The following CYLD variants were observed in gnomAD, a reference collection of about 807,000 sequenced individuals.
The protein encoded by CYLD is CYLD lysine 63 deubiquitinase.
Under a neutral mutation model 104.5 loss-of-function variants are expected in CYLD, and 26 were observed. The ratio of observed to expected loss-of-function variants is 0.25; its 90% CI spans 0.18 to 0.35. CYLD has a LOEUF of 0.35. Among genes scored for constraint, CYLD ranks in the 10% least tolerant of loss-of-function variants. The probability of loss-of-function intolerance (pLI) is 1.00; values close to 1 mark genes in which losing one functional copy is unlikely to be tolerated. For synonymous variants in CYLD, 385 were observed against 399.9 expected, an observed-to-expected ratio of 0.96 and a Z score of 0.45; for missense variants, 703 against 1,136.1, an observed-to-expected ratio of 0.62 and a Z score of 5.48.
intron 5 of CYLD, among the ~76,000 whole-genome samples, chr16:50,766,781 A>C (rs1968571258): frequency 6.6e-6 from 1 of 152,206 alleles, no homozygotes; most frequent in Non-Finnish European, 1.5e-5. Context: ...GTAGCAAAAG[A>C]GCTAGAACTA....
At chr16:50,787,465 A>G (rs1970964666) in intron 13 of CYLD, 4 of 311,820 alleles carry the variant, frequency 1.3e-5, no homozygotes, top group Non-Finnish European at 2.4e-5. Flanking sequence ...GCAGGAAAAA[A>G]CAGAGCATAC....
chr16:50,780,053 A>G lies in CYLD; in HGVS notation c.1518+9A>G. The stretch of plus-strand genomic sequence containing the variant: ...TCGCTGGACTGGAACTGGTAATTTA[A>G]CTTGACCCAAAAATTTCAATTTTTT... On this transcript the variant is annotated intron_variant, in intron 9 of 18. Coordinates refer to ENST00000427738, the MANE Select transcript of CYLD (RefSeq NM_001378743.1). 2 of 1,613,804 alleles carry G rather than the reference A, an allele frequency of 1.2e-6. No individual in the cohort carries two copies. Among genetic ancestry groups the G allele is most frequent in the Non-Finnish European group, 1.7e-6 (2 of 1,179,936 alleles).
chr16:50,761,060 A>G (rs771204501), intron 5 of CYLD, among the ~76,000 whole-genome samples: 4 of 152,162 alleles, frequency 2.6e-5, no homozygotes, highest in Non-Finnish European at 5.9e-5. Flanking sequence ...ACATTTTTGC[A>G]TATGATTAAG....
At position 50,799,220 on chromosome 16, in the gene CYLD, GTTCGTGA is replaced by G; in HGVS notation, c.*2716_*2722del. The G allele has an allele frequency of 4.3e-6, 1 of 233,278 alleles. No individual in the cohort carries two copies. The highest frequency in any genetic ancestry group is 6.0e-5 in the East Asian group (1 of 16,706). The allele number at this position is 233,278 out of a possible 1,614,324, so 14.5% of individuals were successfully genotyped here. A position where few individuals can be genotyped will look rare whatever the true frequency, so the allele number is the denominator to read the frequency against. On this transcript the variant is annotated 3_prime_UTR_variant, in exon 19 of 19. Coordinates refer to ENST00000427738, the MANE Select transcript of CYLD (RefSeq NM_001378743.1). Reference sequence around the variant, plus strand: ...ATTGAATTATCTTATTTATAACACGGTTCGTGATTCATGATTCATGATTACAAGTAGA... The same window carrying G: ...ATTGAATTATCTTATTTATAACACGGTTCATGATTCATGATTACAAGTAGA...
intron 16 of CYLD, among the ~76,000 whole-genome samples, chr16:50,793,164 G>T (rs1041757988): frequency 6.6e-6 from 1 of 151,178 alleles, no homozygotes; most frequent in African/African-American, 2.4e-5. Flanking sequence ...ATATACCTAT[G>T]TAAATATTCA....
intron 5 of CYLD, among the ~76,000 whole-genome samples, chr16:50,773,275 C>G (rs1969337557): frequency 6.6e-6 from 1 of 152,118 alleles, no homozygotes; most frequent in Non-Finnish European, 1.5e-5. Flanking sequence ...TCAAGATTCT[C>G]CAAGGGATTT....
In CYLD at chr16:50,791,233, G is replaced by A. The variant is rs534951960; in HGVS notation, c.2109-325G>A. 3.6e-4 allele frequency among the ~76,000 whole-genome samples: 55 copies of A among 152,326 alleles called. 1 individual carries two copies. Among genetic ancestry groups the A allele is most frequent in the African/African-American group, 1.2e-3 (51 of 41,580 alleles). ...CTTTCTAGATTTGGGCAGTGAAGTT[G>A]CACTAAGTGATTTACCTTTTGGTTA... On this transcript the variant is annotated intron_variant, in intron 14 of 18. Transcript: ENST00000427738.
intron 5 of CYLD, among the ~76,000 whole-genome samples, chr16:50,763,749 C>T (rs1968200907): frequency 6.6e-6 from 1 of 152,090 alleles, no homozygotes; most frequent in African/African-American, 2.4e-5. Context: ...TTCTTACTGT[C>T]CTAGCTAGGA....
intron 12 of CYLD, 151 bp downstream of exon 12, chr16:50,784,602 G>T: frequency 1.2e-6 from 1 of 816,002 alleles, no homozygotes; most frequent in Non-Finnish European, 1.9e-6. Context: ...TAAACCTTTG[G>T]TCCTTGTACT....
intron 4 of CYLD, among the ~76,000 whole-genome samples, chr16:50,753,124 C>G (rs1419350293): frequency 1.3e-5 from 2 of 152,068 alleles, no homozygotes; most frequent in Admixed American, 1.3e-4. Context: ...CTTGAAAATT[C>G]CAGGAAATTC....
intron 10 of CYLD, among the ~76,000 whole-genome samples, chr16:50,782,005 T>G (rs1970265747): frequency 6.6e-6 from 1 of 152,228 alleles, no homozygotes; most frequent in Non-Finnish European, 1.5e-5. Flanking sequence ...TTTCATTTTC[T>G]TTTCAAACTT....
chr16:50,791,738 C>A (rs1243716072), intron 15 of CYLD, 48 bp downstream of exon 15: 7 of 1,597,798 alleles, frequency 4.4e-6, no homozygotes, highest in Non-Finnish European at 6.0e-6. Context: ...CTGTGGGAGT[C>A]TTAAGACTAT....
At chr16:50,744,320 A>G (rs1232432907) in intron 2 of CYLD, among the ~76,000 whole-genome samples, 1 of 152,048 alleles carries the variant, frequency 6.6e-6, no homozygotes, top group Non-Finnish European at 1.5e-5. Context: ...CTGTATCTCT[A>G]TTCTTTAGCT....
At position 50,755,066 on chromosome 16, in the gene CYLD, GATATGT is replaced by G. The variant is rs752701580; in HGVS notation, c.913+646_913+651del. 7.8e-3 allele frequency among the ~76,000 whole-genome samples: 410 copies of G among 52,576 alleles called. 11 individuals carry two copies. Among genetic ancestry groups the G allele is most frequent in the Non-Finnish European group, 0.011 (306 of 27,654 alleles). 34.5% of individuals were successfully genotyped at this position (52,576 alleles called of 152,430 possible). ...ACATATATATGTATATATACATATA[GATATGT>G]ATACATATACACACATATATACATA... On this transcript the variant is annotated intron_variant, in intron 5 of 18. Transcript: ENST00000427738.
intron 16 of CYLD, among the ~76,000 whole-genome samples, chr16:50,793,147 CAT>C (rs1051519571): frequency 4.0e-5 from 6 of 149,330 alleles, no homozygotes; most frequent in Non-Finnish European, 7.4e-5. Context: ...CACACACACA[CAT>C]GCATATATAC....
At chr16:50,793,425 A>C in intron 16 of CYLD, 121 bp from the exon 17 acceptor site, 2 of 790,644 alleles carry the variant, frequency 2.5e-6, no homozygotes, top group Non-Finnish European at 4.6e-6. Flanking sequence ...AGAGAAAGAG[A>C]CTTTTTTGAA....
At chr16:50,785,876 A>G (rs1018132110) in intron 12 of CYLD, 1 of 152,210 alleles carries the variant, frequency 6.6e-6, no homozygotes, top group Admixed American at 6.5e-5. Flanking sequence ...TTACGTTACT[A>G]TGTAAGTGGT....
rs549849595 is a variant in CYLD, at chr16:50,780,766, G to A, written c.1519-480G>A. Among the ~76,000 whole-genome samples, 34 of 152,136 alleles carry A rather than the reference G, an allele frequency of 2.2e-4. 1 individual carries two copies. The highest frequency in any genetic ancestry group is 4.4e-4 in the Non-Finnish European group (30 of 67,994). On this transcript the variant is annotated intron_variant, in intron 9 of 18. Transcript: ENST00000427738. The stretch of plus-strand genomic sequence containing the variant: ...ACTCCTGGACTCAAGTGATCTGCCC[G>A]CCTTGGCCTCCTAAAGTGCTAGGAT...
intron 17 of CYLD, 97 bp downstream of exon 17, chr16:50,793,761 A>G (rs1277397190): frequency 3.5e-6 from 3 of 859,570 alleles, no homozygotes; most frequent in East Asian, 2.4e-5. Flanking sequence ...TTTTAAAATC[A>G]TAATTAACGG....
Sources: allele counts gnomAD v4.1 joint callset (sites outside exome capture counted in the v4.1 genomes callset), GRCh38; gene constraint gnomAD v4.1.1; transcripts MANE v1.5; gene names NCBI Gene and HGNC (gene_info 2026-07-23, HGNC 2026-07-21).